DYNC1I1: variants seen among roughly 807,000 people sequenced by gnomAD.
The protein encoded by DYNC1I1 is cytoplasmic dynein 1 intermediate chain 1.
A neutral mutation model predicts 86.6 loss-of-function variants in DYNC1I1; 43 were observed. The observed-to-expected ratio is 0.50, with a 90% confidence interval of 0.39 to 0.64. The LOEUF is 0.64. DYNC1I1 is among the 30% of genes least tolerant of loss of function. The probability of loss-of-function intolerance (pLI) is 0.00; values close to 1 mark genes in which losing one functional copy is unlikely to be tolerated. For missense variants in DYNC1I1, 604 were observed against 788.8 expected (o/e 0.77, Z 2.81); for synonymous variants, 262 against 283.7 (o/e 0.92, Z 0.77).
chr7:96,033,637 A>G (rs1719221843), intron 12 of DYNC1I1, among the ~76,000 whole-genome samples: 1 of 152,212 alleles, frequency 6.6e-6, no homozygotes, highest in East Asian at 1.9e-4. Context: ...TCTCAATGTT[A>G]ACATTCCCAT....
chr7:95,883,443 G>C (rs1790508212), intron 6 of DYNC1I1, among the ~76,000 whole-genome samples: 2 of 152,124 alleles, frequency 1.3e-5, no homozygotes, highest in Non-Finnish European at 2.9e-5. Flanking sequence ...ACTGAATAGA[G>C]TTTCTACTAA....
At chr7:96,044,197 C>G (rs181185994) in intron 14 of DYNC1I1, among the ~76,000 whole-genome samples, 1 of 152,286 alleles carries the variant, frequency 6.6e-6, no homozygotes, top group East Asian at 1.9e-4. Flanking sequence ...ATTAGTCTCT[C>G]TATCTCTGAA....
At chr7:95,941,033 A>G (rs201319687) in intron 6 of DYNC1I1, among the ~76,000 whole-genome samples, 15 of 152,226 alleles carry the variant, frequency 9.9e-5, no homozygotes, top group African/African-American at 3.4e-4. Context: ...ACCCTCAGCT[A>G]CAGGTCTGTT....
intron 10 of DYNC1I1, among the ~76,000 whole-genome samples, chr7:96,023,984 T>C: frequency 6.6e-6 from 1 of 152,150 alleles, no homozygotes; most frequent in East Asian, 1.9e-4. Context: ...TTAGAAATTG[T>C]GGTTCCTAAC....
At chr7:96,069,772 G>A (rs1790106622) in intron 14 of DYNC1I1, among the ~76,000 whole-genome samples, 1 of 152,072 alleles carries the variant, frequency 6.6e-6, no homozygotes, top group Non-Finnish European at 1.5e-5. Flanking sequence ...TCTTGGATTA[G>A]GTGGATTCTT....
chr7:96,066,006 C>T (rs1456587577), intron 14 of DYNC1I1, among the ~76,000 whole-genome samples: 1 of 152,188 alleles, frequency 6.6e-6, no homozygotes, highest in South Asian at 2.1e-4. Flanking sequence ...ACATTTAATA[C>T]ATTAATAGCT....
intron 5 of DYNC1I1, among the ~76,000 whole-genome samples, chr7:95,846,895 C>T (rs1473466013): frequency 6.6e-6 from 1 of 152,172 alleles, no homozygotes; most frequent in Non-Finnish European, 1.5e-5. Flanking sequence ...TCTACATTCT[C>T]TTTTTCTATA....
At chr7:96,101,274 A>C (rs184187895), downstream of DYNC1I1, among the ~76,000 whole-genome samples, 4 of 152,306 alleles carry the variant, frequency 2.6e-5, no homozygotes, top group East Asian at 7.7e-4. Flanking sequence ...CTATGACCAA[A>C]AACATAGAGC....
intron 14 of DYNC1I1, among the ~76,000 whole-genome samples, chr7:96,042,392 G>A (rs551436647): frequency 1.3e-5 from 2 of 152,234 alleles, no homozygotes; most frequent in South Asian, 2.1e-4. Flanking sequence ...ACCTGGGAAC[G>A]GTGACCAATT....
intron 10 of DYNC1I1, among the ~76,000 whole-genome samples, chr7:96,003,601 AG>A (rs1287179249): frequency 6.6e-6 from 1 of 152,156 alleles, no homozygotes; most frequent in Non-Finnish European, 1.5e-5. Flanking sequence ...AAAGAATACC[AG>A]GTGGTCTGAA....
At chr7:95,881,733 C>T (rs1327963955) in intron 6 of DYNC1I1, among the ~76,000 whole-genome samples, 3 of 152,220 alleles carry the variant, frequency 2.0e-5, no homozygotes, top group African/African-American at 7.2e-5. Flanking sequence ...GTGAGAATAA[C>T]TTTTGATTCC....
intron 1 of DYNC1I1, among the ~76,000 whole-genome samples, chr7:95,778,332 C>G (rs1050136702): frequency 3.3e-5 from 5 of 152,202 alleles, no homozygotes; most frequent in African/African-American, 9.6e-5. Flanking sequence ...ATTAACTTTT[C>G]CCTTGCCTGC....
At chr7:96,106,812 A>C (rs1791221979) in intron 16 of DYNC1I1, among the ~76,000 whole-genome samples, 1 of 152,178 alleles carries the variant, frequency 6.6e-6, no homozygotes, top group South Asian at 2.1e-4. Context: ...AATGCTTTTA[A>C]ATTTATTAAG....
chr7:95,839,733 AT>A (rs1296475328), intron 5 of DYNC1I1, among the ~76,000 whole-genome samples: 1 of 151,970 alleles, frequency 6.6e-6, no homozygotes, highest in East Asian at 1.9e-4. Context: ...TTTCTTTAGC[AT>A]TTTTTTGTAT....
At chr7:96,078,906 GT>G (rs1416484721) in intron 15 of DYNC1I1, among the ~76,000 whole-genome samples, 1 of 152,052 alleles carries the variant, frequency 6.6e-6, no homozygotes, top group African/African-American at 2.4e-5. Flanking sequence ...AATTCACATT[GT>G]TTCAGCCTCT....
At chr7:95,989,866 G>C (rs1399773303) in intron 9 of DYNC1I1, among the ~76,000 whole-genome samples, 1 of 152,150 alleles carries the variant, frequency 6.6e-6, no homozygotes, top group Admixed American at 6.6e-5. Context: ...CAACACTGTT[G>C]AGGGGTTCAA....
intron 6 of DYNC1I1, among the ~76,000 whole-genome samples, chr7:95,876,757 G>T (rs1790318801): frequency 6.6e-6 from 1 of 152,020 alleles, no homozygotes; most frequent in African/African-American, 2.4e-5. Flanking sequence ...CTGATATGTT[G>T]ACTTACTTAA....
Position 95,786,845 on chromosome 7 carries a change from G to A in DYNC1I1, c.-10+14072G>A, listed in dbSNP as rs140633230. Among the ~76,000 whole-genome samples the A allele has an allele frequency of 9.4e-3, 1,361 of 145,056 alleles. 23 individuals carry two copies. Among genetic ancestry groups the A allele is most frequent in the African/African-American group, 0.031 (1,255 of 40,980 alleles). ...GGACTGGAGCAGTGGGGAGAAATGC[G>A]CTCTGATCTGCTAAAGGAGTTTGGG... On this transcript the variant is annotated intron_variant, in intron 1 of 16. Coordinates refer to ENST00000447467, the MANE Select transcript of DYNC1I1 (RefSeq NM_001135556.2).
chr7:96,014,481 T>C (rs1794355787), intron 10 of DYNC1I1, among the ~76,000 whole-genome samples: 1 of 152,160 alleles, frequency 6.6e-6, no homozygotes, highest in Non-Finnish European at 1.5e-5. Flanking sequence ...AAGAAACCCT[T>C]TGGAAACTAA....
Sources: gnomAD v4.1 joint callset for allele counts (sites outside exome capture counted in the v4.1 genomes callset) on GRCh38, gnomAD v4.1.1 for gene constraint, MANE v1.5 for transcripts, NCBI Gene and HGNC (gene_info 2026-07-23, HGNC 2026-07-21) for gene names.